Variants in GSE1 observed in about 807,000 individuals in gnomAD.
GSE1 encodes genetic suppressor element 1.
GSE1 carries 32 observed loss-of-function variants against 112.6 expected under a neutral mutation model. That is an observed-to-expected ratio of 0.28 (90% CI 0.21 to 0.38). GSE1 has a LOEUF of 0.38. Ranked by LOEUF, GSE1 falls within the 10% of genes least tolerant of loss-of-function variation. GSE1 has a pLI of 1.00. For synonymous variants in GSE1, 1,115 were observed against 735.6 expected, an observed-to-expected ratio of 1.52 and a Z score of -8.35; for missense variants, 2,348 against 1,699.2, an observed-to-expected ratio of 1.38 and a Z score of -6.71.
At chr16:85,196,799 G>A (rs1048911220) in intron 1 of GSE1, among the ~76,000 whole-genome samples, 1 of 151,996 alleles carries the variant, frequency 6.6e-6, no homozygotes, top group Non-Finnish European at 1.5e-5. Flanking sequence ...GGGGCCTGCC[G>A]GAATTTTCAT....
At chr16:85,249,151 T>A (rs573625953) in intron 1 of GSE1, among the ~76,000 whole-genome samples, 5 of 152,362 alleles carry the variant, frequency 3.3e-5, no homozygotes, top group Admixed American at 3.3e-4. Flanking sequence ...ACATCTTGCC[T>A]TTCCCAGGCA....
chr16:85,259,139 C>T (rs1907398917), intron 1 of GSE1, among the ~76,000 whole-genome samples: 1 of 152,276 alleles, frequency 6.6e-6, no homozygotes, highest in South Asian at 2.1e-4. Flanking sequence ...GGGGCCACCG[C>T]GTCTGTGGAA....
chr16:85,510,407 C>CGTGTGTGTGTCTGT (rs1555524668), intron 2 of GSE1, among the ~76,000 whole-genome samples: 2 of 149,302 alleles, frequency 1.3e-5, no homozygotes, highest in South Asian at 2.1e-4. Flanking sequence ...CCCGAGCGTG[C>CGTGTGTGTGTCTGT]GTGTGTGTGT....
Position 85,655,881 on chromosome 16 carries a change from T to C in GSE1, c.953T>C (p.Leu318Pro). ...CTCTCCCACTCATCCCTGGCAGCGC[T>C]GCACTCGGAGCGCATGTCTGGCCTC... ...PELSHSSLAA[L>P]HSERMSGLSA... is the part of the protein sequence containing the mutation. Residue 318 changes from leucine to proline, a missense_variant, in exon 6 of 16, where the codon CTG becomes CCG. Coordinates refer to ENST00000253458, the MANE Select transcript of GSE1 (RefSeq NM_014615.5). 3 of 1,607,424 alleles carry C rather than the reference T, an allele frequency of 1.9e-6. No homozygotes were observed. Among genetic ancestry groups the C allele is most frequent in the Non-Finnish European group, 2.5e-6 (3 of 1,179,854 alleles).
rs1176240979 is a variant in GSE1 at position 85,187,692 on chromosome 16, A to G, written c.2283+15885A>G. ...CACCTGCTCCTACCTGGGTGGCCTC[A>G]GCAGGTCACTCCATTCTCTGGGCCT... On this transcript the variant is annotated intron_variant, in intron 1 of 2. Coordinates refer to the GSE1 transcript ENST00000637419. 2.0e-5 allele frequency among the ~76,000 whole-genome samples: 3 copies of G among 152,174 alleles called. No individual in the cohort carries two copies. The East Asian group carries it at 5.8e-4, about 29-fold the overall frequency.
chr16:85,298,646 C>T lies in GSE1; in HGVS notation c.2284-58817C>T, dbSNP rs144563726. ...TTCACCATGTTGGCCAGGTTGTTCT[C>T]GAACTCCTGACCTCAAGTGATCCAC... On this transcript the variant is annotated intron_variant, in intron 1 of 2. Coordinates refer to the GSE1 transcript ENST00000637419. Among the ~76,000 whole-genome samples, 314 of 152,274 alleles carry T rather than the reference C, an allele frequency of 2.1e-3. 2 individuals are homozygous for T. The highest frequency in any genetic ancestry group is 7.1e-3 in the African/African-American group (295 of 41,562).
chr16:85,271,025 C>G (rs915045231), intron 1 of GSE1, among the ~76,000 whole-genome samples: 6 of 152,212 alleles, frequency 3.9e-5, no homozygotes, highest in Non-Finnish European at 5.9e-5. Flanking sequence ...GCCATCAGGC[C>G]CTGTCCCCAA....
At chr16:85,274,144 G>A (rs909676791) in intron 1 of GSE1, among the ~76,000 whole-genome samples, 4 of 151,884 alleles carry the variant, frequency 2.6e-5, no homozygotes, top group African/African-American at 7.2e-5. Context: ...CCAGCACTTC[G>A]GGAGGCTGAA....
At chr16:85,232,896 GAATT>G (rs1263172964) in intron 1 of GSE1, among the ~76,000 whole-genome samples, 1 of 152,252 alleles carries the variant, frequency 6.6e-6, no homozygotes, top group Non-Finnish European at 1.5e-5. Flanking sequence ...TCCCAGGTGT[GAATT>G]AATGAATGGC....
Position 85,511,372 on chromosome 16 carries a change from C to CA in GSE1, c.2465-122536dup, listed in dbSNP as rs957758504. On this transcript the variant is annotated intron_variant, in intron 2 of 2. Transcript: ENST00000637419. ...AGAAACCCTGTCTCTACTAAAAATA[C>CA]AAAAAATCAGCCGGGCATGGTAGTG... Among the ~76,000 whole-genome samples, 29 of 152,150 alleles carry CA rather than the reference C, an allele frequency of 1.9e-4. 1 individual carries two copies. Among genetic ancestry groups the CA allele is most frequent in the African/African-American group, 4.8e-4 (20 of 41,518 alleles).
chr16:85,189,767 T>G (rs1459829753), intron 1 of GSE1, among the ~76,000 whole-genome samples: 1 of 152,224 alleles, frequency 6.6e-6, no homozygotes, highest in Non-Finnish European at 1.5e-5. Flanking sequence ...TCAAAGAGCT[T>G]ATTCATTTTG....
In GSE1 at chr16:85,475,800, T is replaced by TA. The variant is rs1269445869; in HGVS notation, c.2464+118159dup. On this transcript the variant is annotated intron_variant, in intron 2 of 2. Transcript: ENST00000637419. ...TCTTTTTTTTTTTTTTTTTTTTTTTTAATACTAGAGACCGGGTTTCACTCT... is the reference window on the plus strand; with the variant it reads ...TCTTTTTTTTTTTTTTTTTTTTTTTTAAATACTAGAGACCGGGTTTCACTCT... Among the ~76,000 whole-genome samples the TA allele has an allele frequency of 3.4e-5, 5 of 148,186 alleles. 1 individual carries two copies. Among genetic ancestry groups the TA allele is most frequent in the East Asian group, 2.0e-4 (1 of 4,968 alleles).
At chr16:85,270,386 C>T (rs1384884946) in intron 1 of GSE1, among the ~76,000 whole-genome samples, 1 of 148,838 alleles carries the variant, frequency 6.7e-6, no homozygotes, top group Non-Finnish European at 1.5e-5. Context: ...GGACATTTGT[C>T]CCAGCGACAT....
intron 1 of GSE1, among the ~76,000 whole-genome samples, chr16:85,590,140 GTGAT>G (rs2046923476): frequency 6.6e-6 from 1 of 152,246 alleles, no homozygotes; most frequent in Non-Finnish European, 1.5e-5. Flanking sequence ...TCATGACCCT[GTGAT>G]TGTGAGCGTG....
intron 1 of GSE1, among the ~76,000 whole-genome samples, chr16:85,320,925 ACTT>A (rs1215075452): frequency 2.6e-5 from 4 of 151,834 alleles, no homozygotes; most frequent in East Asian, 3.9e-4. Context: ...TCCCTTCCTC[ACTT>A]CTTCTAGGAG....
exon 1 of GSE1, chr16:85,170,835 G>A: frequency 4.1e-6 from 4 of 985,584 alleles, no homozygotes; most frequent in Non-Finnish European, 4.8e-6. Context: ...AGAGCTTCGA[G>A]CTGGCCAACG....
At chr16:85,248,326 C>T (rs1906087290) in intron 1 of GSE1, among the ~76,000 whole-genome samples, 1 of 152,154 alleles carries the variant, frequency 6.6e-6, no homozygotes, top group Non-Finnish European at 1.5e-5. Flanking sequence ...CCTTCTGTGT[C>T]CTGTGCTGCC....
At chr16:85,401,081 C>T (rs2048104094) in intron 2 of GSE1, among the ~76,000 whole-genome samples, 1 of 152,154 alleles carries the variant, frequency 6.6e-6, no homozygotes, top group African/African-American at 2.4e-5. Flanking sequence ...AAGCCCAAAT[C>T]AGCGGATATG....
At chr16:85,564,394 G>A (rs1057062156) in intron 1 of GSE1, among the ~76,000 whole-genome samples, 1 of 152,202 alleles carries the variant, frequency 6.6e-6, no homozygotes, top group Non-Finnish European at 1.5e-5. Flanking sequence ...GTTGGTGGTG[G>A]TGTGTGGGGG....
Sources: allele counts gnomAD v4.1 joint callset (sites outside exome capture counted in the v4.1 genomes callset), GRCh38; gene constraint gnomAD v4.1.1; transcripts MANE v1.5; gene names NCBI Gene and HGNC (gene_info 2026-07-23, HGNC 2026-07-21).